DCLK1: variants seen among roughly 807,000 people sequenced by gnomAD.
The protein encoded by DCLK1 is serine/threonine-protein kinase DCLK1.
In DCLK1, 16 loss-of-function variants were observed where a neutral mutation model predicts 86.2. The observed-to-expected ratio is 0.19, with a 90% confidence interval of 0.13 to 0.28. The LOEUF (loss-of-function observed/expected upper bound fraction) is 0.28. Among genes scored for constraint, DCLK1 ranks in the 10% least tolerant of loss-of-function variants. The probability of loss-of-function intolerance (pLI) is 1.00; values close to 1 mark genes in which losing one functional copy is unlikely to be tolerated. For synonymous variants in DCLK1, 369 were observed against 370.5 expected (o/e 1.00, Z 0.05); for missense variants, 590 against 940.2 (o/e 0.63, Z 4.87).
At chr13:36,027,950 T>G (rs148495978) in intron 3 of DCLK1, among the ~76,000 whole-genome samples, 1 of 152,248 alleles carries the variant, frequency 6.6e-6, no homozygotes, top group Non-Finnish European at 1.5e-5. Flanking sequence ...GCTGGTCTCT[T>G]AACACCTGGG....
intron 16 of DCLK1, among the ~76,000 whole-genome samples, chr13:35,780,368 A>C (rs998991528): frequency 6.6e-6 from 1 of 152,190 alleles, no homozygotes; most frequent in Admixed American, 6.5e-5. Context: ...TAGAATTCCC[A>C]AGTGTTTCCT....
chr13:35,838,077 G>A lies in DCLK1; in HGVS notation c.1120+1015C>T, dbSNP rs201389396. On this transcript the variant is annotated intron_variant, in intron 7 of 16. Coordinates refer to ENST00000360631, the MANE Select transcript of DCLK1 (RefSeq NM_001330071.2). The stretch of plus-strand genomic sequence containing the variant: ...CGAGACTCCATCTCAAAAAAAAAAA[G>A]AAAAGAAAAGAAAAGAAAAAAAAGG... 8.0e-3 allele frequency among the ~76,000 whole-genome samples: 896 copies of A among 112,602 alleles called. 5 individuals carry two copies. The highest frequency in any genetic ancestry group is 0.023 in the African/African-American group (648 of 28,096). The allele number at this position is 112,602 out of a possible 152,430, so 73.9% of individuals were successfully genotyped here. A position where few individuals can be genotyped will look rare whatever the true frequency, so the allele number is the denominator to read the frequency against.
At chr13:35,805,850 A>C (rs1218718219) in intron 14 of DCLK1, 71 bp from the exon 15 acceptor site, 2 of 1,399,620 alleles carry the variant, frequency 1.4e-6, no homozygotes, top group African/African-American at 2.9e-5. Flanking sequence ...CAAATGCAAG[A>C]GTTCTCTTTT....
chr13:35,774,995 T>C (rs2086399051), intron 16 of DCLK1, among the ~76,000 whole-genome samples: 1 of 152,136 alleles, frequency 6.6e-6, no homozygotes, highest in Non-Finnish European at 1.5e-5. Context: ...TTATTTACCC[T>C]TGGTGGCTCC....
chr13:35,804,342 C>T (rs1216838458), intron 15 of DCLK1, among the ~76,000 whole-genome samples: 1 of 148,712 alleles, frequency 6.7e-6, no homozygotes, highest in Non-Finnish European at 1.5e-5. Context: ...CCATGTTGGC[C>T]AGGCTGGTCT....
intron 4 of DCLK1, among the ~76,000 whole-genome samples, chr13:35,906,157 A>T (rs1303172963): frequency 1.3e-5 from 2 of 152,160 alleles, no homozygotes; most frequent in Admixed American, 1.3e-4. Context: ...CAGACAGCAA[A>T]ACAGATAGAA....
chr13:36,118,578 A>G (rs1037393867), intron 2 of DCLK1, among the ~76,000 whole-genome samples: 4 of 152,098 alleles, frequency 2.6e-5, no homozygotes, highest in Non-Finnish European at 5.9e-5. Context: ...GAAGCCAATC[A>G]GTTGGAGATT....
Position 35,906,002 on chromosome 13 carries a change from G to A in DCLK1, c.824-34662C>T, listed in dbSNP as rs1041794443. 2.6e-5 allele frequency among the ~76,000 whole-genome samples: 4 copies of A among 152,108 alleles called. 1 individual carries two copies. Among genetic ancestry groups the A allele is most frequent in the Admixed American group, 2.6e-4 (4 of 15,268 alleles). On this transcript the variant is annotated intron_variant, in intron 4 of 16. Transcript: ENST00000360631. Reference sequence around the variant, plus strand: ...GTGGACAGTATTTTTACTTAAAAATGGAAACAAACTGATCCGAATTTGTGT... The same window carrying A: ...GTGGACAGTATTTTTACTTAAAAATAGAAACAAACTGATCCGAATTTGTGT...
chr13:36,035,603 A>G (rs1320701381), intron 3 of DCLK1, among the ~76,000 whole-genome samples: 3 of 152,182 alleles, frequency 2.0e-5, no homozygotes, highest in Non-Finnish European at 4.4e-5. Context: ...CAGTGGTACA[A>G]TCTTAGCTCA....
intron 16 of DCLK1, among the ~76,000 whole-genome samples, chr13:35,778,466 A>G (rs2086465153): frequency 6.6e-6 from 1 of 152,060 alleles, no homozygotes; most frequent in African/African-American, 2.4e-5. Context: ...ACATTCCATG[A>G]TCCTGATGAA....
chr13:35,794,381 G>C (rs1284721767), intron 15 of DCLK1, among the ~76,000 whole-genome samples: 1 of 151,088 alleles, frequency 6.6e-6, no homozygotes, highest in African/African-American at 2.5e-5. Context: ...AGAAACTCCT[G>C]GCAATCACTT....
chr13:36,001,994 T>A (rs558823514), intron 3 of DCLK1, among the ~76,000 whole-genome samples: 1 of 151,698 alleles, frequency 6.6e-6, no homozygotes, highest in Admixed American at 6.6e-5. Context: ...ATCTACCTTA[T>A]CCCCTTTTAG....
chr13:35,868,743 C>G (rs187712675), intron 5 of DCLK1, among the ~76,000 whole-genome samples: 1 of 152,168 alleles, frequency 6.6e-6, no homozygotes, highest in East Asian at 1.9e-4. Flanking sequence ...ACTTTGTTCT[C>G]CTTTATTGCT....
intron 3 of DCLK1, among the ~76,000 whole-genome samples, chr13:36,086,231 G>A (rs987016178): frequency 6.6e-6 from 1 of 152,078 alleles, no homozygotes; most frequent in Non-Finnish European, 1.5e-5. Flanking sequence ...GACAAACCAA[G>A]TCAATGTCAG....
intron 3 of DCLK1, among the ~76,000 whole-genome samples, chr13:35,961,081 T>A (rs1878433458): frequency 6.6e-6 from 1 of 152,154 alleles, no homozygotes; most frequent in African/African-American, 2.4e-5. Flanking sequence ...AGGTTTTGAG[T>A]ATAGGCTCTG....
intron 3 of DCLK1, among the ~76,000 whole-genome samples, chr13:35,963,856 T>C (rs1361825): frequency 0.47 from 70,966 of 152,054 alleles, 18,159 homozygotes; most frequent in Non-Finnish European, 0.56. Flanking sequence ...GTAAGTTTCC[T>C]GAGGCCTCCC....
intron 3 of DCLK1, among the ~76,000 whole-genome samples, chr13:35,963,890 A>G (rs1327692475): frequency 6.6e-6 from 1 of 152,214 alleles, no homozygotes; most frequent in Non-Finnish European, 1.5e-5. Context: ...CTCTGAGTCA[A>G]CTAAACCTCT....
At chr13:35,819,576 T>C (rs1292532804) in intron 11 of DCLK1, among the ~76,000 whole-genome samples, 3 of 152,320 alleles carry the variant, frequency 2.0e-5, no homozygotes, top group Middle Eastern at 3.4e-3. Flanking sequence ...AAGGGTTTTA[T>C]AAGCCTTTTA....
At chr13:36,091,139 G>A (rs761735034) in intron 3 of DCLK1, among the ~76,000 whole-genome samples, 8 of 152,016 alleles carry the variant, frequency 5.3e-5, no homozygotes, top group East Asian at 1.9e-4. Context: ...TGTTGGTTGC[G>A]GGTTCACTCT....
Sources: gnomAD v4.1 joint callset for allele counts (sites outside exome capture counted in the v4.1 genomes callset) on GRCh38, gnomAD v4.1.1 for gene constraint, MANE v1.5 for transcripts, NCBI Gene and HGNC (gene_info 2026-07-23, HGNC 2026-07-21) for gene names.